The following STPG1 variants were observed in gnomAD, a reference collection of about 807,000 sequenced individuals.
STPG1 encodes the protein O(6)-methylguanine-induced apoptosis 2.
A neutral mutation model predicts 40.1 loss-of-function variants in STPG1; 33 were observed. The observed-to-expected ratio is 0.82, with a 90% confidence interval of 0.62 to 1.10. The LOEUF (loss-of-function observed/expected upper bound fraction) is 1.10, where lower values mean the gene tolerates loss of function less well. Among genes scored for constraint, STPG1 ranks in the 50% least tolerant of loss-of-function variants. The pLI is 0.00. For synonymous variants in STPG1, 150 were observed against 155.0 expected (o/e 0.97, Z 0.24); for missense variants, 396 against 415.1 (o/e 0.95, Z 0.40).
intron 2 of STPG1, among the ~76,000 whole-genome samples, chr1:24,397,926 T>A (rs1402585863): frequency 2.6e-5 from 4 of 152,176 alleles, no homozygotes; most frequent in Admixed American, 2.6e-4. Flanking sequence ...AGTCTTTAAA[T>A]GGACATAAGC....
At chr1:24,410,007 C>G (rs1222219300) in intron 1 of STPG1, among the ~76,000 whole-genome samples, 11 of 152,180 alleles carry the variant, frequency 7.2e-5, no homozygotes, top group Non-Finnish European at 1.6e-4. Context: ...TTCTATCCAT[C>G]AAATTTCAAA....
At chr1:24,400,078 T>C (rs1484781601) in intron 2 of STPG1, among the ~76,000 whole-genome samples, 1 of 152,196 alleles carries the variant, frequency 6.6e-6, no homozygotes, top group African/African-American at 2.4e-5. Flanking sequence ...ACAAGAATAG[T>C]TACAGAAGTT....
rs1240233971 is a variant in STPG1, at chr1:24,364,538, C to T, written c.738-3497G>A. On this transcript the variant is annotated intron_variant, in intron 7 of 8. Transcript: ENST00000337248. ...AGCTCTTTAAGGGAAGGTATTGTGT[C>T]TTCCTCAGCTTTGAGGCCCCTAGCC... is the stretch of plus-strand genomic sequence containing the variant. The T allele has an allele frequency of 4.1e-6, 5 of 1,224,766 alleles. No homozygotes were observed. The African/African-American group carries it at 7.8e-5, about 19-fold the overall frequency. The allele number at this position is 1,224,766 out of a possible 1,614,324, so 75.9% of individuals were successfully genotyped here. A position where few individuals can be genotyped will look rare whatever the true frequency, so the allele number is the denominator to read the frequency against.
intron 2 of STPG1, among the ~76,000 whole-genome samples, chr1:24,396,355 G>A (rs1643007345): frequency 6.6e-6 from 1 of 151,996 alleles, no homozygotes; most frequent in African/African-American, 2.4e-5. Flanking sequence ...TGTTGCCCAG[G>A]TTGGAGTGCA....
At chr1:24,373,864 C>A (rs998036934) in intron 5 of STPG1, 54 bp from the exon 6 acceptor site, 1 of 1,292,036 alleles carries the variant, frequency 7.7e-7, no homozygotes, top group South Asian at 1.3e-5. Flanking sequence ...TCTTTGTCTT[C>A]GTCATCATGC....
In STPG1 at chr1:24,401,347, AT is replaced by A; in HGVS notation, c.41del (p.His14LeufsTer30). 8.1e-6 allele frequency: 13 copies of A among 1,614,076 alleles called. No homozygotes were observed. Among genetic ancestry groups the A allele is most frequent in the Non-Finnish European group, 1.1e-5 (13 of 1,179,992 alleles). On this transcript the variant is annotated frameshift_variant, in exon 2 of 9. Transcript: ENST00000337248. LOFTEE classifies it high-confidence loss of function. Reference protein sequence around the residue: ...SAQKNERTGKHPRRASEVQKG... With the variant: ...SAQKNERTGKXPRRASEVQKG... ...TCTGTACTTCACTGGCACGTCTGGG[AT>A]GTTTGCCAGTGCGTTCATTTTTCTG... is the stretch of plus-strand genomic sequence containing the variant.
intron 7 of STPG1, among the ~76,000 whole-genome samples, chr1:24,365,552 C>T (rs1641400938): frequency 6.6e-6 from 1 of 152,226 alleles, no homozygotes. Context: ...CCAAGGAACA[C>T]CCGATGGCAT....
chr1:24,366,897 A>G (rs993178119), intron 7 of STPG1, among the ~76,000 whole-genome samples: 1 of 152,102 alleles, frequency 6.6e-6, no homozygotes, highest in Non-Finnish European at 1.5e-5. Flanking sequence ...CCTTTACTGC[A>G]GGCCTTCTCA....
chr1:24,411,602 T>A (rs1643657306), intron 1 of STPG1: 2 of 152,128 alleles, frequency 1.3e-5, no homozygotes, highest in African/African-American at 4.8e-5. Context: ...CCACCACACC[T>A]GGCTAGTTTT....
At chr1:24,410,495 G>A (rs978637142) in intron 1 of STPG1, among the ~76,000 whole-genome samples, 3 of 152,194 alleles carry the variant, frequency 2.0e-5, no homozygotes, top group Non-Finnish European at 4.4e-5. Context: ...TGTAGTCCCA[G>A]CTACTCAGGA....
intron 3 of STPG1, among the ~76,000 whole-genome samples, chr1:24,386,601 C>T (rs1171219468): frequency 3.9e-5 from 6 of 152,356 alleles, no homozygotes; most frequent in South Asian, 4.1e-4. Flanking sequence ...CTTCGTGCAA[C>T]GCCCAAGTAG....
chr1:24,404,227 CATTG>C (rs1199423886), intron 1 of STPG1, among the ~76,000 whole-genome samples: 3 of 152,100 alleles, frequency 2.0e-5, no homozygotes, highest in Admixed American at 6.5e-5. Flanking sequence ...AATTGAATTA[CATTG>C]ATTGATTTTC....
rs1197392679 is a variant in STPG1 at position 24,373,723 on chromosome 1, C to T, written c.550G>A (p.Ala184Thr). 2 of 1,611,430 alleles carry T rather than the reference C, an allele frequency of 1.2e-6. No individual in the cohort carries two copies. The highest frequency in any genetic ancestry group is 2.2e-5 in the South Asian group (2 of 91,012). ...SKTQRGSFAF[A>T]DKGPPPGHYD... ...TTACCTGGGGGAGGTCCTTTATCAGCAAAAGCGAAAGATCCTCTTTGGGTT... is the reference window on the plus strand; with the variant it reads ...TTACCTGGGGGAGGTCCTTTATCAGTAAAAGCGAAAGATCCTCTTTGGGTT... The change falls in exon 6 of 9, where the codon GCT becomes ACT. Residue 184 changes from alanine (A) to threonine (T), a missense_variant. Coordinates refer to ENST00000337248, the MANE Select transcript of STPG1 (RefSeq NM_001199013.2).
chr1:24,392,259 T>C (rs958544731), intron 2 of STPG1, among the ~76,000 whole-genome samples: 3 of 152,254 alleles, frequency 2.0e-5, no homozygotes, highest in Non-Finnish European at 4.4e-5. Flanking sequence ...TTCCTTTGTC[T>C]AGGCTGCGAT....
At chr1:24,396,565 A>C (rs899719414) in intron 2 of STPG1, among the ~76,000 whole-genome samples, 4 of 152,212 alleles carry the variant, frequency 2.6e-5, no homozygotes, top group Non-Finnish European at 4.4e-5. Context: ...GCCACAGACA[A>C]TACATAAACA....
chr1:24,365,189 C>G (rs1338962120), intron 7 of STPG1, among the ~76,000 whole-genome samples: 1 of 152,112 alleles, frequency 6.6e-6, no homozygotes, highest in Non-Finnish European at 1.5e-5. Context: ...ATCTAATTAC[C>G]AAAATTGGAG....
chr1:24,374,993 T>G (rs1404177538), intron 5 of STPG1, among the ~76,000 whole-genome samples: 1 of 152,194 alleles, frequency 6.6e-6, no homozygotes, highest in Non-Finnish European at 1.5e-5. Context: ...CTAGGTGCAT[T>G]GCTCACTGTT....
In STPG1 at chr1:24,399,328, G is replaced by A. The variant is rs1643126386; in HGVS notation, c.70+1991C>T. Among the ~76,000 whole-genome samples, 1 of 152,144 alleles carries A rather than the reference G, an allele frequency of 6.6e-6. No individual in the cohort carries two copies. Among genetic ancestry groups the A allele is most frequent in the Non-Finnish European group, 1.5e-5 (1 of 67,996 alleles). On this transcript the variant is annotated intron_variant, in intron 2 of 8. Transcript: ENST00000337248. This position sits in a 1 kb window ranked among gnomAD's most constrained non-coding sequence, Gnocchi z 4.0. ...ACAGCAATACAGAGTAGTAGAGAAT[G>A]AGCAGCCTTTCAATAAATGGTGCTG...
intron 1 of STPG1, among the ~76,000 whole-genome samples, chr1:24,407,067 C>T (rs1643441738): frequency 6.6e-6 from 1 of 152,142 alleles, no homozygotes; most frequent in Non-Finnish European, 1.5e-5. Context: ...AGTATTTCCC[C>T]ATTCCTTTTT....
Sources: allele counts gnomAD v4.1 joint callset (sites outside exome capture counted in the v4.1 genomes callset), GRCh38; gene constraint gnomAD v4.1.1; non-coding constraint Gnocchi (gnomAD v3.1); transcripts MANE v1.5; gene names NCBI Gene and HGNC (gene_info 2026-07-23, HGNC 2026-07-21).